Variants in NSUN2 observed in about 807,000 individuals in gnomAD.
NSUN2 encodes RNA cytosine C(5)-methyltransferase NSUN2.
Under a neutral mutation model 92.7 loss-of-function variants are expected in NSUN2, and 63 were observed. The observed-to-expected ratio is 0.68, with a 90% CI of 0.56 to 0.84. The LOEUF (loss-of-function observed/expected upper bound fraction) is 0.84. Ranked by LOEUF, NSUN2 falls within the 40% of genes least tolerant of loss-of-function variation. NSUN2 has a pLI of 0.00. For missense variants in NSUN2, 989 were observed against 964.9 expected (o/e 1.02, Z -0.33); for synonymous variants, 356 against 348.3 (o/e 1.02, Z -0.25).
rs543325766 is a variant in NSUN2, at chr5:6,614,124, C to CCCTCCCACCT, written c.1022-2327_1022-2326insAGGTGGGAGG. Among the ~76,000 whole-genome samples, 8 of 73,184 alleles carry CCCTCCCACCT rather than the reference C, an allele frequency of 1.1e-4. 1 individual carries two copies. Among genetic ancestry groups the CCCTCCCACCT allele is most frequent in the African/African-American group, 3.4e-4 (7 of 20,410 alleles). The allele number at this position is 73,184 out of a possible 152,430, so 48.0% of individuals were successfully genotyped here. ...AAAAAAAAAAAAAAAAAAAAAAAAC[C>CCCTCCCACCT]CACAACACACACATATAGACAGACA... On this transcript the variant is annotated intron_variant, in intron 9 of 18. Transcript: ENST00000264670.
chr5:6,618,948 C>T (rs1467596948), intron 7 of NSUN2, among the ~76,000 whole-genome samples: 1 of 152,120 alleles, frequency 6.6e-6, no homozygotes, highest in African/African-American at 2.4e-5. Context: ...AGATGTAATC[C>T]CCACTTTGCA....
chr5:6,630,773 A>G (rs547350834), intron 3 of NSUN2, among the ~76,000 whole-genome samples: 1 of 152,334 alleles, frequency 6.6e-6, no homozygotes, highest in South Asian at 2.1e-4. Flanking sequence ...ACGTACTGGA[A>G]TAGTCAAAAC....
chr5:6,629,402 T>C (rs567489467), intron 3 of NSUN2, among the ~76,000 whole-genome samples: 1 of 152,354 alleles, frequency 6.6e-6, no homozygotes, highest in South Asian at 2.1e-4. Context: ...CCTAGTTTGT[T>C]GGAGCCTGCA....
chr5:6,628,459 C>T (rs1397733463), intron 3 of NSUN2, among the ~76,000 whole-genome samples: 1 of 152,198 alleles, frequency 6.6e-6, no homozygotes, highest in Non-Finnish European at 1.5e-5. Context: ...TCTCATTGTT[C>T]TGAGTCTATG....
intron 4 of NSUN2, among the ~76,000 whole-genome samples, chr5:6,625,107 A>G (rs1161331439): frequency 6.6e-6 from 1 of 152,056 alleles, no homozygotes; most frequent in Non-Finnish European, 1.5e-5. Context: ...GGTAAGAAAA[A>G]AAAAAAACAC....
chr5:6,604,771 T>G (rs546401715), intron 15 of NSUN2, 86 bp from the exon 16 acceptor site: 10 of 1,108,028 alleles, frequency 9.0e-6, no homozygotes, highest in Middle Eastern at 2.0e-4. Flanking sequence ...GGAGCAACCG[T>G]CACGGAATGG....
At chr5:6,606,437 C>A in intron 14 of NSUN2, among the ~76,000 whole-genome samples, 1 of 152,190 alleles carries the variant, frequency 6.6e-6, no homozygotes, top group East Asian at 1.9e-4. Flanking sequence ...GTGCCCGCCA[C>A]CACGCCCGGC....
At chr5:6,602,303 A>C (rs546205325) in intron 18 of NSUN2, among the ~76,000 whole-genome samples, 158 bp downstream of exon 18, 9 of 152,248 alleles carry the variant, frequency 5.9e-5, no homozygotes, top group Non-Finnish European at 1.2e-4. Flanking sequence ...CTACAGGAAT[A>C]TTTTGGTTCT....
intron 9 of NSUN2, among the ~76,000 whole-genome samples, chr5:6,612,384 AGG>A (rs1737034297): frequency 6.6e-6 from 1 of 152,232 alleles, no homozygotes; most frequent in African/African-American, 2.4e-5. Context: ...TCGTGGTCCC[AGG>A]AAGTTTCCTA....
chr5:6,631,547 C>A (rs1375938984), intron 3 of NSUN2, among the ~76,000 whole-genome samples: 3 of 152,166 alleles, frequency 2.0e-5, no homozygotes, highest in African/African-American at 7.2e-5. Flanking sequence ...TTTCTGAAGG[C>A]AAAGCAGCCA....
Position 6,606,880 on chromosome 5 carries a change from C to A in NSUN2, c.1541G>T (p.Gly514Val). 6.3e-7 allele frequency: 1 copy of A among 1,594,582 alleles called. No homozygotes were observed. Among genetic ancestry groups the A allele is most frequent in the Non-Finnish European group, 8.6e-7 (1 of 1,162,808 alleles). Residue 514 changes from glycine to valine, a missense_variant, in exon 14 of 19, where the codon GGA becomes GTA. By Grantham distance (109) the Gly-to-Val change is moderately radical (BLOSUM62 -3). Transcript: ENST00000264670. Reference sequence around the variant, plus strand: ...AAATACAAATGGATCTTCTTTAAATCCAAATAACTTCATTTTCTTTGATGG... The same window carrying A: ...AAATACAAATGGATCTTCTTTAAATACAAATAACTTCATTTTCTTTGATGG... ...PPPSKKMKLF[G>V]FKEDPFVFIP...
At chr5:6,610,825 C>G (rs1736956026) in intron 11 of NSUN2, 130 bp downstream of exon 11, 10 of 1,096,024 alleles carry the variant, frequency 9.1e-6, no homozygotes, top group Non-Finnish European at 1.3e-5. Context: ...TGGGGTTGAC[C>G]CTGGCATAAC....
At chr5:6,612,139 A>G (rs1202471224) in intron 9 of NSUN2, among the ~76,000 whole-genome samples, 2 of 152,204 alleles carry the variant, frequency 1.3e-5, no homozygotes, top group Non-Finnish European at 2.9e-5. Flanking sequence ...CATTAACAAT[A>G]TGTAAACGAC....
At chr5:6,629,892 G>A (rs994981511) in intron 3 of NSUN2, among the ~76,000 whole-genome samples, 1 of 152,128 alleles carries the variant, frequency 6.6e-6, no homozygotes, top group African/African-American at 2.4e-5. Flanking sequence ...GAGATCTTCC[G>A]CCATGATTTT....
intron 7 of NSUN2, among the ~76,000 whole-genome samples, chr5:6,618,390 T>A (rs1054106817): frequency 6.6e-6 from 1 of 152,234 alleles, no homozygotes; most frequent in African/African-American, 2.4e-5. Context: ...AATGACACTT[T>A]AATCAGAATT....
intron 7 of NSUN2, among the ~76,000 whole-genome samples, chr5:6,619,762 G>A (rs1361032359): frequency 6.6e-6 from 1 of 152,102 alleles, no homozygotes; most frequent in East Asian, 1.9e-4. Context: ...AAAATAGTTG[G>A]GGTGCACAAA....
intron 13 of NSUN2, 129 bp downstream of exon 13, chr5:6,607,071 G>C: frequency 2.9e-6 from 3 of 1,027,956 alleles, no homozygotes; most frequent in East Asian, 2.4e-5. Flanking sequence ...CCCTCACACT[G>C]CATGTGCCTG....
At chr5:6,615,754 C>T (rs551144633) in intron 9 of NSUN2, among the ~76,000 whole-genome samples, 3 of 152,318 alleles carry the variant, frequency 2.0e-5, no homozygotes, top group Admixed American at 6.5e-5. Flanking sequence ...ACTTCACACA[C>T]GTGGGTGCAG....
intron 6 of NSUN2, chr5:6,621,746 T>TC (rs1737453868): frequency 4.5e-6 from 1 of 222,588 alleles, no homozygotes. Flanking sequence ...AGACTCCATC[T>TC]CAAAAAAAAA....
Sources: allele counts gnomAD v4.1 joint callset (sites outside exome capture counted in the v4.1 genomes callset), GRCh38; gene constraint gnomAD v4.1.1; transcripts MANE v1.5; gene names NCBI Gene and HGNC (gene_info 2026-07-23, HGNC 2026-07-21).